The following SLC39A10 variants were observed in gnomAD, a reference collection of about 807,000 sequenced individuals.
SLC39A10 encodes solute carrier family 39 member 10.
SLC39A10 carries 13 observed loss-of-function variants against 65.1 expected under a neutral mutation model. The observed-to-expected ratio is 0.20, with a 90% confidence interval of 0.13 to 0.32. The LOEUF is 0.32. Among genes scored for constraint, SLC39A10 ranks in the 10% least tolerant of loss-of-function variants. The probability of loss-of-function intolerance (pLI) is 1.00; values close to 1 mark genes in which losing one functional copy is unlikely to be tolerated. For missense variants in SLC39A10, 831 were observed against 1,018.4 expected (o/e 0.82, Z 2.50); for synonymous variants, 321 against 342.2 (o/e 0.94, Z 0.68).
At chr2:195,725,605 T>G (rs1368419389) in intron 8 of SLC39A10, among the ~76,000 whole-genome samples, 1 of 152,154 alleles carries the variant, frequency 6.6e-6, no homozygotes, top group Non-Finnish European at 1.5e-5. Flanking sequence ...CCCCACTTAA[T>G]AGGTGTCTGC....
At position 195,735,719 on chromosome 2, in the gene SLC39A10, A is replaced by G. The variant is rs1692572610; in HGVS notation, c.*678A>G. On this transcript the variant is annotated 3_prime_UTR_variant, in exon 10 of 10. Coordinates refer to ENST00000359634, the MANE Select transcript of SLC39A10 (RefSeq NM_020342.3). ...GTTTGTGTGAGCTTCAGTTTAATGA[A>G]AGATTCATAATGGTTCTTTGTATTA... 2 of 152,514 alleles carry G rather than the reference A, an allele frequency of 1.3e-5. No individual in the cohort carries two copies. The highest frequency in any genetic ancestry group is 4.8e-5 in the African/African-American group (2 of 41,410). The allele number at this position is 152,514 out of a possible 1,614,324, so 9.4% of individuals were successfully genotyped here. A position where few individuals can be genotyped will look rare whatever the true frequency, so the allele number is the denominator to read the frequency against.
chr2:195,696,696 A>G (rs2105795791), intron 3 of SLC39A10, among the ~76,000 whole-genome samples: 1 of 152,256 alleles, frequency 6.6e-6, no homozygotes, highest in Admixed American at 6.5e-5. Flanking sequence ...ACTGTTGACC[A>G]GAAGCCTTAC....
chr2:195,647,690 C>T (rs914720378), intron 2 of SLC39A10, among the ~76,000 whole-genome samples: 33 of 27,296 alleles, frequency 1.2e-3, no homozygotes, highest in Non-Finnish European at 2.0e-3. Context: ...TCTTTAATTA[C>T]CATCCACCAC....
At chr2:195,662,415 C>T (rs187139568) in intron 1 of SLC39A10, among the ~76,000 whole-genome samples, 1 of 151,738 alleles carries the variant, frequency 6.6e-6, no homozygotes, top group Non-Finnish European at 1.5e-5. Context: ...AATACGGGAG[C>T]GTGTGCCACC....
intron 9 of SLC39A10, among the ~76,000 whole-genome samples, chr2:195,733,467 T>C (rs1692489188): frequency 6.6e-6 from 1 of 152,238 alleles, no homozygotes; most frequent in Non-Finnish European, 1.5e-5. Flanking sequence ...ATATTTTGAA[T>C]CTACAGATTA....
At chr2:195,719,165 TG>T in intron 8 of SLC39A10, among the ~76,000 whole-genome samples, 1 of 152,222 alleles carries the variant, frequency 6.6e-6, no homozygotes. Context: ...ATTTCCCATT[TG>T]CCCTTAGAAA....
intron 1 of SLC39A10, chr2:195,674,526 C>T (rs554827312): frequency 5.3e-6 from 5 of 947,950 alleles, no homozygotes; most frequent in East Asian, 2.3e-4. Flanking sequence ...ATCCACCCGC[C>T]TCGGCCTCCC....
chr2:195,616,335 T>C (rs1382167973), intron 2 of SLC39A10, among the ~76,000 whole-genome samples: 3 of 151,708 alleles, frequency 2.0e-5, no homozygotes. Context: ...TGAGACAGAG[T>C]CTCACTCTGT....
chr2:195,672,243 A>G (rs911914201), intron 1 of SLC39A10, among the ~76,000 whole-genome samples: 2 of 151,836 alleles, frequency 1.3e-5, no homozygotes, highest in African/African-American at 4.8e-5. Flanking sequence ...CAATCCTCCC[A>G]CCTTAGCCTG....
In SLC39A10 at chr2:195,683,664, C is replaced by T. The variant is rs780439447; in HGVS notation, c.1009-35C>T. ...TTTTTGCATAATCTCCTTAAAGACA[C>T]TCTTATTTAATTTGTTTTATCACTT... On this transcript the variant is annotated intron_variant, in intron 2 of 9. Coordinates refer to ENST00000359634, the MANE Select transcript of SLC39A10 (RefSeq NM_020342.3). 6.5e-6 allele frequency: 10 copies of T among 1,532,852 alleles called. No individual in the cohort carries two copies. The African/African-American group carries it at 1.1e-4, about 17-fold the overall frequency. 95.0% of individuals were successfully genotyped at this position (1,532,852 alleles called of 1,614,324 possible).
chr2:195,725,793 T>C (rs891182597), intron 8 of SLC39A10, among the ~76,000 whole-genome samples: 3 of 152,200 alleles, frequency 2.0e-5, no homozygotes, highest in Admixed American at 6.5e-5. Flanking sequence ...TTTTCTGATA[T>C]ACACAGTAAC....
rs923961139 is a variant in SLC39A10 at position 195,736,230 on chromosome 2, G to C, written c.*1189G>C. On this transcript the variant is annotated 3_prime_UTR_variant, in exon 10 of 10. Transcript: ENST00000359634. The stretch of plus-strand genomic sequence containing the variant: ...GTGCCAAGATATGCTGTTGGTGCCT[G>C]ATAGGGATTAGTCTTTTAGGTGCCC... 3 of 154,308 alleles carry C rather than the reference G, an allele frequency of 1.9e-5. No individual in the cohort carries two copies. The highest frequency in any genetic ancestry group is 4.4e-5 in the Non-Finnish European group (3 of 68,036). The allele number at this position is 154,308 out of a possible 1,614,324, so 9.6% of individuals were successfully genotyped here.
At chr2:195,672,912 G>A (rs1689925763) in intron 1 of SLC39A10, among the ~76,000 whole-genome samples, 2 of 152,156 alleles carry the variant, frequency 1.3e-5, no homozygotes, top group African/African-American at 4.8e-5. Flanking sequence ...GTAACAGGGA[G>A]CTAAAGGAAT....
At chr2:195,657,578 G>C in intron 1 of SLC39A10, 1 of 982,610 alleles carries the variant, frequency 1.0e-6, no homozygotes. Flanking sequence ...TTCGCGTGCG[G>C]AGCCTCGCGC....
chr2:195,692,150 T>A (rs1325815623), intron 3 of SLC39A10, among the ~76,000 whole-genome samples: 2 of 151,892 alleles, frequency 1.3e-5, no homozygotes, highest in Non-Finnish European at 2.9e-5. Flanking sequence ...GTTGAAGATC[T>A]GTTGGCGTAT....
chr2:195,717,120 T>C, intron 7 of SLC39A10, 115 bp downstream of exon 7: 1 of 1,393,622 alleles, frequency 7.2e-7, no homozygotes, highest in Non-Finnish European at 9.6e-7. Flanking sequence ...TCAGTTGATT[T>C]TTCCCAAAGG....
chr2:195,635,022 C>G (rs1688669025), intron 2 of SLC39A10, among the ~76,000 whole-genome samples: 1 of 152,046 alleles, frequency 6.6e-6, no homozygotes, highest in Non-Finnish European at 1.5e-5. Context: ...CTACTCCAGC[C>G]TGGGCAATAG....
At chr2:195,707,265 C>A (rs1297183297) in intron 4 of SLC39A10, among the ~76,000 whole-genome samples, 2 of 152,132 alleles carry the variant, frequency 1.3e-5, no homozygotes, top group Non-Finnish European at 2.9e-5. Context: ...GGGGACACTT[C>A]TAATTATATG....
chr2:195,644,107 C>T (rs1000767134), intron 2 of SLC39A10, among the ~76,000 whole-genome samples: 5 of 150,190 alleles, frequency 3.3e-5, no homozygotes, highest in African/African-American at 1.2e-4. Flanking sequence ...CAGTTCTAAA[C>T]AGAGTTGAAC....
Sources: allele counts gnomAD v4.1 joint callset (sites outside exome capture counted in the v4.1 genomes callset), GRCh38; gene constraint gnomAD v4.1.1; transcripts MANE v1.5; gene names NCBI Gene and HGNC (gene_info 2026-07-23, HGNC 2026-07-21).